Variants in MRTFA observed in about 807,000 individuals in gnomAD.
The protein encoded by MRTFA is myocardin-related transcription factor A.
In MRTFA, 20 loss-of-function variants were observed where a neutral mutation model predicts 83.5. That is an observed-to-expected ratio of 0.24 (90% CI 0.17 to 0.35). The LOEUF is 0.35. Ranked by LOEUF, MRTFA falls within the 10% of genes least tolerant of loss-of-function variation. The pLI is 1.00. For synonymous variants in MRTFA, 659 were observed against 541.2 expected, an observed-to-expected ratio of 1.22 and a Z score of -3.02; for missense variants, 1,200 against 1,224.7, an observed-to-expected ratio of 0.98 and a Z score of 0.30.
chr22:40,563,632 C>T (rs982587015), intron 2 of MRTFA, among the ~76,000 whole-genome samples: 3 of 151,952 alleles, frequency 2.0e-5, no homozygotes, highest in African/African-American at 4.8e-5. Flanking sequence ...GGAAGCCAAG[C>T]GGGGAGGATC....
chr22:40,588,773 G>A (rs963662410), intron 2 of MRTFA, among the ~76,000 whole-genome samples: 8 of 152,180 alleles, frequency 5.3e-5, no homozygotes, highest in African/African-American at 1.9e-4. Context: ...CTCGAGCCCA[G>A]GAGTTCGAGA....
chr22:40,469,281 T>A (rs916398728), intron 3 of MRTFA, among the ~76,000 whole-genome samples: 1 of 152,308 alleles, frequency 6.6e-6, no homozygotes, highest in Admixed American at 6.5e-5. Flanking sequence ...GCGGCAGATG[T>A]CCTGGGAGTG....
At chr22:40,450,602 C>G (rs986535839) in intron 4 of MRTFA, among the ~76,000 whole-genome samples, 1 of 147,142 alleles carries the variant, frequency 6.8e-6, no homozygotes, top group African/African-American at 2.5e-5. Context: ...ATTACAGGCG[C>G]CTGCCACCAC....
intron 1 of MRTFA, among the ~76,000 whole-genome samples, chr22:40,633,281 G>A (rs1486619258): frequency 6.6e-6 from 1 of 152,244 alleles, no homozygotes; most frequent in African/African-American, 2.4e-5. Flanking sequence ...TTATATTCAA[G>A]AAATATTTAC....
intron 3 of MRTFA, chr22:40,523,491 C>T (rs1219304611): frequency 6.6e-6 from 1 of 152,206 alleles, no homozygotes; most frequent in Non-Finnish European, 1.5e-5. Context: ...AGGTGTGTAT[C>T]ACCATGCCTG....
chr22:40,435,078 G>A (rs1376113639), intron 5 of MRTFA, among the ~76,000 whole-genome samples: 1 of 152,220 alleles, frequency 6.6e-6, no homozygotes, highest in African/African-American at 2.4e-5. Flanking sequence ...TGCCCGTCCT[G>A]TGAGGTGTGG....
At chr22:40,541,648 C>CTGTGTG (rs112837274) in intron 3 of MRTFA, among the ~76,000 whole-genome samples, 1 of 150,920 alleles carries the variant, frequency 6.6e-6, no homozygotes, top group Non-Finnish European at 1.5e-5. Flanking sequence ...TAGCTGATGG[C>CTGTGTG]TGTGTGTGTG....
At chr22:40,482,187 T>C (rs1312016822) in intron 3 of MRTFA, among the ~76,000 whole-genome samples, 1 of 152,260 alleles carries the variant, frequency 6.6e-6, no homozygotes, top group South Asian at 2.1e-4. Flanking sequence ...TACTATCTCA[T>C]AGATGAAGAA....
At chr22:40,567,285 G>A (rs1201480245) in intron 2 of MRTFA, among the ~76,000 whole-genome samples, 2 of 152,102 alleles carry the variant, frequency 1.3e-5, no homozygotes, top group African/African-American at 4.8e-5. Flanking sequence ...AACACTACAG[G>A]TATGCTTTCC....
chr22:40,529,169 T>C (rs562432604), intron 3 of MRTFA, among the ~76,000 whole-genome samples: 1 of 152,190 alleles, frequency 6.6e-6, no homozygotes, highest in East Asian at 1.9e-4. Context: ...TTTTTATTAA[T>C]TGCCACTCCC....
At chr22:40,527,137 C>T (rs1822087371) in intron 3 of MRTFA, among the ~76,000 whole-genome samples, 1 of 148,976 alleles carries the variant, frequency 6.7e-6, no homozygotes, top group Admixed American at 6.8e-5. Flanking sequence ...AAGATACACA[C>T]ACACACACAC....
At chr22:40,455,444 AG>A (rs2053565678) in intron 4 of MRTFA, among the ~76,000 whole-genome samples, 2 of 151,964 alleles carry the variant, frequency 1.3e-5, no homozygotes. Context: ...CAGGAGATTG[AG>A]ACCATCCTGG....
chr22:40,473,225 T>A (rs571354345), intron 3 of MRTFA, among the ~76,000 whole-genome samples: 1 of 152,312 alleles, frequency 6.6e-6, no homozygotes, highest in African/African-American at 2.4e-5. Flanking sequence ...AGTGGTATGA[T>A]CACGGCTCAC....
chr22:40,485,470 C>T (rs1337874465), intron 3 of MRTFA, among the ~76,000 whole-genome samples: 1 of 151,684 alleles, frequency 6.6e-6, no homozygotes, highest in African/African-American at 2.4e-5. Context: ...TGTGTGAAGG[C>T]GGGAGGAGAG....
chr22:40,516,999 G>A (rs918652263), intron 3 of MRTFA, among the ~76,000 whole-genome samples: 7 of 151,770 alleles, frequency 4.6e-5, no homozygotes, highest in Admixed American at 4.6e-4. Context: ...CACAGCTCAC[G>A]GCAGCCTCGA....
In MRTFA at chr22:40,420,438, C is replaced by T. The variant is rs770990897; in HGVS notation, c.1320G>A (p.Pro440=). The T allele has an allele frequency of 6.8e-6, 11 of 1,613,628 alleles. No homozygotes were observed. The highest frequency in any genetic ancestry group is 1.1e-5 in the South Asian group (1 of 91,076). ...CGTCCAGGTTGGCCGGCAGGGCTCC[C>T]GGCTTGCCAGTCAGTGAGGTGCTGT... Residue 440 remains proline (P), a synonymous_variant, in exon 11 of 15, where the codon CCG becomes CCA. Coordinates refer to ENST00000355630, the MANE Select transcript of MRTFA (RefSeq NM_020831.6).
At chr22:40,619,023 A>G (rs2056488608) in intron 1 of MRTFA, among the ~76,000 whole-genome samples, 1 of 151,614 alleles carries the variant, frequency 6.6e-6, no homozygotes, top group Non-Finnish European at 1.5e-5. Context: ...AATCCAGGCA[A>G]GAAATAATAA....
Position 40,411,203 on chromosome 22 carries a change from T to C in MRTFA, c.*187A>G. 1.8e-6 allele frequency: 1 copy of C among 564,406 alleles called. No individual in the cohort carries two copies. The highest frequency in any genetic ancestry group is 2.9e-6 in the Non-Finnish European group (1 of 340,654). The allele number at this position is 564,406 out of a possible 1,614,324, so 35.0% of individuals were successfully genotyped here. ...GGCTGCTTCTTGACAGCTGCTCTCC[T>C]CTGCCCTGCGTGGCACTGAACCAGG... On this transcript the variant is annotated 3_prime_UTR_variant, in exon 15 of 15. Coordinates refer to ENST00000355630, the MANE Select transcript of MRTFA (RefSeq NM_020831.6).
chr22:40,470,053 G>A (rs552381635), intron 3 of MRTFA, among the ~76,000 whole-genome samples: 208 of 151,394 alleles, frequency 1.4e-3, no homozygotes, highest in African/African-American at 4.3e-3. Flanking sequence ...GTGAAACCCC[G>A]TCTCCACTAA....
Sources: allele counts gnomAD v4.1 joint callset (sites outside exome capture counted in the v4.1 genomes callset), GRCh38; gene constraint gnomAD v4.1.1; transcripts MANE v1.5; gene names NCBI Gene and HGNC (gene_info 2026-07-23, HGNC 2026-07-21).